The following DMXL2 variants were observed in gnomAD, a reference collection of about 807,000 sequenced individuals.
DMXL2 encodes Dmx like 2.
Under a neutral mutation model 331.1 loss-of-function variants are expected in DMXL2, and 103 were observed. The observed-to-expected ratio is 0.31, with a 90% CI of 0.27 to 0.37. The LOEUF (loss-of-function observed/expected upper bound fraction) is 0.37, where lower values mean the gene tolerates loss of function less well. DMXL2 is among the 10% of genes least tolerant of loss of function. The pLI is 1.00. For synonymous variants in DMXL2, 1,281 were observed against 1,252.1 expected (o/e 1.02, Z -0.49); for missense variants, 3,171 against 3,642.9 (o/e 0.87, Z 3.33).
intron 15 of DMXL2, among the ~76,000 whole-genome samples, chr15:51,507,535 T>C (rs1410958134): frequency 6.6e-6 from 1 of 152,184 alleles, no homozygotes; most frequent in African/African-American, 2.4e-5. Context: ...GAATACAATT[T>C]GTTAAAACGT....
intron 15 of DMXL2, among the ~76,000 whole-genome samples, chr15:51,514,021 G>T (rs1596076732): frequency 6.6e-6 from 1 of 152,018 alleles, no homozygotes; most frequent in East Asian, 1.9e-4. Context: ...TTTCCATGAG[G>T]TTTCTAGTGT....
intron 33 of DMXL2, among the ~76,000 whole-genome samples, chr15:51,461,499 T>C (rs1367898151): frequency 1.3e-5 from 2 of 152,152 alleles, no homozygotes; most frequent in Non-Finnish European, 2.9e-5. Flanking sequence ...ACTCAGAAAA[T>C]TGATCACTCA....
chr15:51,557,906 C>T (rs747157737), intron 6 of DMXL2, among the ~76,000 whole-genome samples: 4 of 152,308 alleles, frequency 2.6e-5, no homozygotes, highest in Non-Finnish European at 2.9e-5. Context: ...AAAGATAAAA[C>T]ATAAAATGTC....
Position 51,481,555 on chromosome 15 carries a change from T to C in DMXL2, c.5551A>G (p.Ile1851Val). 2 of 1,610,172 alleles carry C rather than the reference T, an allele frequency of 1.2e-6. No individual in the cohort carries two copies. The highest frequency in any genetic ancestry group is 1.3e-5 in the African/African-American group (1 of 74,522). The change falls in exon 24 of 44, where the codon ATT becomes GTT. Residue 1851 changes from isoleucine to valine, a missense_variant. Transcript: ENST00000560891. ...TCAGGGGAGGCAAGATTTCTTCGAA[T>C]GAGCAAAGGATGAGTTCGAAGGTAG... ...YNYLRTHPLLIRRNLASPEGT... is the reference protein window; with the variant it reads ...YNYLRTHPLLVRRNLASPEGT...
At chr15:51,470,156 GAC>G (rs923506386) in intron 29 of DMXL2, among the ~76,000 whole-genome samples, 2 of 151,810 alleles carry the variant, frequency 1.3e-5, no homozygotes, top group African/African-American at 4.8e-5. Flanking sequence ...TTTTTTTTGA[GAC>G]ACTGTCTCAG....
chr15:51,555,030 C>T (rs984104062), intron 6 of DMXL2, among the ~76,000 whole-genome samples: 10 of 152,030 alleles, frequency 6.6e-5, no homozygotes, highest in African/African-American at 1.7e-4. Context: ...TGGTGGCACA[C>T]GCTTGTAATC....
Position 51,576,156 on chromosome 15 carries a change from A to G in DMXL2, c.113T>C (p.Val38Ala). ...ACATTCAAAGTCATTTGCCAAAATA[A>G]CAATATCACAGCCTGATCCATATGC... Reference protein sequence around the residue: ...FTAYGSGCDIVILANDFECVQ... With the variant: ...FTAYGSGCDIAILANDFECVQ... The change falls in exon 2 of 44, where the codon GTT becomes GCT. Residue 38 changes from valine (V) to alanine (A), a missense_variant. Physicochemically the swap from Val to Ala is moderately conservative, Grantham distance 64. Around this residue, in one of 7 missense-constraint regions of DMXL2, gnomAD observed 1,674 missense variants for 1,780.2 expected, o/e 0.94. Coordinates refer to ENST00000560891, the MANE Select transcript of DMXL2 (RefSeq NM_001378457.1). The G allele has an allele frequency of 8.0e-7, 1 of 1,253,166 alleles. No homozygotes were observed. The highest frequency in any genetic ancestry group is 1.1e-6 in the Non-Finnish European group (1 of 894,420). 77.6% of individuals were successfully genotyped at this position (1,253,166 alleles called of 1,614,324 possible).
Position 51,474,581 on chromosome 15 carries a change from G to A in DMXL2, c.6976C>T (p.Leu2326Phe). Reference protein sequence around the residue: ...SPAQWPGVSSLINLLSSAQDE... With the variant: ...SPAQWPGVSSFINLLSSAQDE... Reference sequence around the variant, plus strand: ...TGGGCTGAACTCAAAAGATTAATAAGTGAGCTCACACCTATAAGGGTATAT... The same window carrying A: ...TGGGCTGAACTCAAAAGATTAATAAATGAGCTCACACCTATAAGGGTATAT... Residue 2326 changes from leucine to phenylalanine, a missense_variant, in exon 28 of 44, where the codon CTT becomes TTT. Physicochemically the swap from Leu to Phe is conservative, Grantham distance 22 (BLOSUM62 0). Transcript: ENST00000560891. 6.2e-7 allele frequency: 1 copy of A among 1,613,798 alleles called. No individual in the cohort carries two copies. The highest frequency in any genetic ancestry group is 8.5e-7 in the Non-Finnish European group (1 of 1,179,818).
At position 51,507,175 on chromosome 15, in the gene DMXL2, T is replaced by C. The variant is rs761032626; in HGVS notation, c.2723A>G (p.His908Arg). Residue 908 changes from histidine to arginine, a missense_variant, in exon 16 of 44, where the codon CAT (histidine) becomes CGT (arginine). By Grantham distance (29) the His-to-Arg change is conservative. Around this residue, in one of 7 missense-constraint regions of DMXL2, gnomAD observed 1,674 missense variants for 1,780.2 expected, o/e 0.94. Transcript: ENST00000560891. ...AGATTTAAGATGAAGGTGCCACATA[T>C]GCAGAATAGAGTTATTATTGCTGTC... is the stretch of plus-strand genomic sequence containing the variant. ...EKDSNNNSIL[H>R]MWHLHLKSVQ... The C allele has an allele frequency of 1.1e-5, 17 of 1,611,312 alleles. No individual in the cohort carries two copies. The highest frequency in any genetic ancestry group is 1.3e-5 in the African/African-American group (1 of 75,006).
chr15:51,457,805 A>C (rs1246947535), intron 36 of DMXL2: 1 of 199,876 alleles, frequency 5.0e-6, no homozygotes. Context: ...TTTGAGTTTA[A>C]AGATTTCTTG....
intron 6 of DMXL2, among the ~76,000 whole-genome samples, chr15:51,561,681 G>A (rs1037257013): frequency 6.6e-6 from 1 of 152,134 alleles, no homozygotes; most frequent in Non-Finnish European, 1.5e-5. Flanking sequence ...CCACTAATGG[G>A]TATTTATCCA....
chr15:51,455,184 A>T lies in DMXL2; in HGVS notation c.8571T>A (p.Val2857=). The T allele has an allele frequency of 6.2e-7, 1 of 1,614,144 alleles. No individual in the cohort carries two copies. The highest frequency in any genetic ancestry group is 2.2e-5 in the East Asian group (1 of 44,878). ...DGEGFLSIWQ[V]NQTASNPKPY... is the part of the protein sequence containing the mutation. The stretch of plus-strand genomic sequence containing the variant: ...GTTTAGGATTTGATGCAGTTTGGTT[A>T]ACTTGCCAGATACTCAGAAAACCCT... Residue 2857 remains valine (V), a synonymous_variant, in exon 40 of 44, where the codon GTT becomes GTA. Transcript: ENST00000560891.
At chr15:51,503,681 T>C (rs1309863629) in intron 16 of DMXL2, among the ~76,000 whole-genome samples, 5 of 152,096 alleles carry the variant, frequency 3.3e-5, no homozygotes, top group East Asian at 1.9e-4. Context: ...TTAACAACAA[T>C]GTATATTTCA....
At chr15:51,515,913 C>T (rs927729524) in intron 14 of DMXL2, among the ~76,000 whole-genome samples, 1 of 152,070 alleles carries the variant, frequency 6.6e-6, no homozygotes, top group African/African-American at 2.4e-5. Flanking sequence ...AAATCACAGG[C>T]TGAATCTGAA....
Position 51,538,465 on chromosome 15 carries a change from AAG to A in DMXL2, c.1106-15_1106-14del. On this transcript the variant is annotated splice_polypyrimidine_tract_variant and intron_variant, in intron 9 of 43. Transcript: ENST00000560891. ...ACATTTGGAATATCTGTGGAAATAA[AAG>A]AGATTTCAATATAATTTTTTTTATT... is the stretch of plus-strand genomic sequence containing the variant. 7 of 1,558,046 alleles carry A rather than the reference AAG, an allele frequency of 4.5e-6. No individual in the cohort carries two copies. Among genetic ancestry groups the A allele is most frequent in the Non-Finnish European group, 6.1e-6 (7 of 1,154,096 alleles).
At chr15:51,491,099 T>C (rs1024290589) in intron 20 of DMXL2, among the ~76,000 whole-genome samples, 2 of 152,208 alleles carry the variant, frequency 1.3e-5, no homozygotes, top group Non-Finnish European at 2.9e-5. Context: ...TCATACTGCA[T>C]GGACATTTTA....
intron 13 of DMXL2, among the ~76,000 whole-genome samples, chr15:51,525,187 C>A (rs1272621929): frequency 2.0e-5 from 3 of 151,862 alleles, no homozygotes; most frequent in Admixed American, 1.3e-4. Context: ...AGACCCCTGG[C>A]AGGATTCATC....
At chr15:51,502,306 T>TTGTGTG (rs769283309) in intron 17 of DMXL2, among the ~76,000 whole-genome samples, 47,092 of 140,320 alleles carry the variant, frequency 0.34, 8,551 homozygotes, top group Non-Finnish European at 0.41. Flanking sequence ...TTTTGTGGGT[T>TTGTGTG]TGTGTGTGTG....
At chr15:51,506,118 G>A (rs1379927185) in intron 16 of DMXL2, among the ~76,000 whole-genome samples, 1 of 152,162 alleles carries the variant, frequency 6.6e-6, no homozygotes, top group Non-Finnish European at 1.5e-5. Context: ...TGTCACTTAG[G>A]CTGGAGTGCG....
Sources: gnomAD v4.1 joint callset for allele counts (sites outside exome capture counted in the v4.1 genomes callset) on GRCh38, gnomAD v4.1.1 for gene constraint, gnomAD v4.1.1 regional missense constraint, MANE v1.5 for transcripts, NCBI Gene and HGNC (gene_info 2026-07-23, HGNC 2026-07-21) for gene names.